GREB1: variants seen among roughly 807,000 people sequenced by gnomAD.
GREB1 encodes growth regulating estrogen receptor binding 1, also known as protein GREB1.
In GREB1, 106 loss-of-function variants were observed where a neutral mutation model predicts 200.7. The ratio of observed to expected loss-of-function variants is 0.53; its 90% CI spans 0.45 to 0.62. The LOEUF (loss-of-function observed/expected upper bound fraction) is 0.62, where lower values mean the gene tolerates loss of function less well. Among genes scored for constraint, GREB1 ranks in the 20% least tolerant of loss-of-function variants. The pLI is 0.00. For synonymous variants in GREB1, 1,132 were observed against 1,092.4 expected (o/e 1.04, Z -0.72); for missense variants, 2,243 against 2,556.8 (o/e 0.88, Z 2.65).
rs1419313396 is a variant in GREB1, at chr2:11,618,134, GCCAC to G, written c.3413-153_3413-150del. Reference sequence around the variant, plus strand: ...CTGGGACGAGTCGCCCCTGAGATGGGCCACTCCTGGGACAGGTCACTCCTGGGAT... The same window carrying G: ...CTGGGACGAGTCGCCCCTGAGATGGGTCCTGGGACAGGTCACTCCTGGGAT... On this transcript the variant is annotated intron_variant, in intron 21 of 32. Transcript: ENST00000381486. Among the ~76,000 whole-genome samples the G allele has an allele frequency of 3.3e-5, 5 of 152,224 alleles. No homozygotes were observed. The East Asian group carries it at 9.7e-4, about 30-fold the overall frequency.
intron 1 of GREB1, among the ~76,000 whole-genome samples, chr2:11,537,129 A>AT (rs1363377168): frequency 6.6e-6 from 1 of 151,626 alleles, no homozygotes; most frequent in African/African-American, 2.4e-5. Flanking sequence ...CGCCTGGCTG[A>AT]TTTTTGCATT....
At chr2:11,559,046 T>A (rs1676716633) in intron 2 of GREB1, among the ~76,000 whole-genome samples, 1 of 152,340 alleles carries the variant, frequency 6.6e-6, no homozygotes, top group South Asian at 2.1e-4. Context: ...TTAAACAGGA[T>A]GTAGGTAAAA....
At position 11,493,675 on chromosome 2, in the gene GREB1, AT is replaced by A. The variant is rs1672818083; in HGVS notation, c.-159+11295del. ...ACTGAGCCAGTATTAATGCAACCTT[AT>A]GTTTTTGAAGGTTGCATTTTTTTCC... On this transcript the variant is annotated intron_variant, in intron 1 of 2. Transcript: ENST00000628795. This position sits in a 1 kb window ranked among gnomAD's most constrained non-coding sequence, Gnocchi z 4.6. Among the ~76,000 whole-genome samples, 1 of 152,094 alleles carries A rather than the reference AT, an allele frequency of 6.6e-6. No homozygotes were observed.
At chr2:11,584,353 G>A (rs1054601450) in intron 7 of GREB1, among the ~76,000 whole-genome samples, 12 of 152,132 alleles carry the variant, frequency 7.9e-5, no homozygotes, top group Non-Finnish European at 1.5e-4. Flanking sequence ...GAGTGGATGC[G>A]CTGCTCTGTA....
intron 2 of GREB1, among the ~76,000 whole-genome samples, chr2:11,560,616 G>A (rs1478278795): frequency 1.3e-5 from 2 of 151,898 alleles, no homozygotes; most frequent in South Asian, 2.1e-4. Flanking sequence ...CAGGAGAATC[G>A]CTTGAACCCG....
intron 1 of GREB1, among the ~76,000 whole-genome samples, chr2:11,551,940 T>A (rs941147499): frequency 2.0e-5 from 3 of 152,270 alleles, no homozygotes; most frequent in African/African-American, 7.2e-5. Context: ...TCATTTATAA[T>A]CTGAAATTCT....
At chr2:11,607,817 A>G (rs956174793) in intron 17 of GREB1, among the ~76,000 whole-genome samples, 1 of 152,056 alleles carries the variant, frequency 6.6e-6, no homozygotes, top group Non-Finnish European at 1.5e-5. Context: ...TCAGAAAAAG[A>G]GAGAGATGTA....
In GREB1 at chr2:11,486,053, T is replaced by G. The variant is rs562429319; in HGVS notation, c.-159+3672T>G. On this transcript the variant is annotated intron_variant, in intron 1 of 2. Coordinates refer to the GREB1 transcript ENST00000628795. ...CTTGCTTTCAATAATCTCACCTTTC[T>G]CCTTTTAGCATTCTCTGTTCCAGAC... is the stretch of plus-strand genomic sequence containing the variant. Among the ~76,000 whole-genome samples the G allele has an allele frequency of 8.5e-5, 13 of 152,324 alleles. No individual in the cohort carries two copies. The South Asian group carries it at 2.5e-3, about 29-fold the overall frequency.
At position 11,618,298 on chromosome 2, in the gene GREB1, C is replaced by A. The variant is rs572757934; in HGVS notation, c.3423C>A (p.Leu1141=). Residue 1141 remains leucine (L), a synonymous_variant, in exon 22 of 33, where the codon CTC becomes CTA. Coordinates refer to ENST00000381486, the MANE Select transcript of GREB1 (RefSeq NM_014668.4). ...SLSSKASGSA[L]GGESSAQPTA... is the part of the protein sequence containing the mutation. The stretch of plus-strand genomic sequence containing the variant: ...TTCGTCTCTCCTCAGGTTCAGCGCT[C>A]GGTGGCGAGTCCTCGGCTCAGCCCA... The A allele has an allele frequency of 2.6e-6, 4 of 1,565,642 alleles. No individual in the cohort carries two copies. In the African/African-American group the frequency reaches 5.4e-5, roughly 21 times the overall value.
intron 2 of GREB1, among the ~76,000 whole-genome samples, chr2:11,559,914 C>A (rs1676822999): frequency 6.6e-6 from 1 of 152,294 alleles, no homozygotes; most frequent in East Asian, 1.9e-4. Flanking sequence ...ATCAGGAGTT[C>A]CTGAGTCACC....
intron 11 of GREB1, among the ~76,000 whole-genome samples, chr2:11,593,567 A>T (rs1433543299): frequency 6.6e-6 from 1 of 151,572 alleles, no homozygotes. Flanking sequence ...GCTCATTATA[A>T]CCTCTACCTC....
chr2:11,580,981 T>A lies in GREB1; in HGVS notation c.901+149T>A. 1 of 958,692 alleles carries A rather than the reference T, an allele frequency of 1.0e-6. No individual in the cohort carries two copies. Among genetic ancestry groups the A allele is most frequent in the Non-Finnish European group, 1.7e-6 (1 of 604,206 alleles). The allele number at this position is 958,692 out of a possible 1,614,324, so 59.4% of individuals were successfully genotyped here. ...GAGTCAGGCCAGGACCACAGGTGCCTCCTGAGTCCGTGGGTCTGGGCCCAG... is the reference window on the plus strand; with the variant it reads ...GAGTCAGGCCAGGACCACAGGTGCCACCTGAGTCCGTGGGTCTGGGCCCAG... On this transcript the variant is annotated intron_variant, in intron 7 of 32. Transcript: ENST00000381486. This position sits in a 1 kb window ranked among gnomAD's most constrained non-coding sequence, Gnocchi z 4.5.
intron 1 of GREB1, among the ~76,000 whole-genome samples, chr2:11,487,645 CAT>C (rs1456810442): frequency 2.0e-5 from 3 of 152,174 alleles, no homozygotes; most frequent in Non-Finnish European, 4.4e-5. Context: ...AAATTTCAAA[CAT>C]ATCTAAAACA....
intron 30 of GREB1, among the ~76,000 whole-genome samples, chr2:11,636,170 C>G (rs1376791010): frequency 6.6e-6 from 1 of 152,228 alleles, no homozygotes; most frequent in Non-Finnish European, 1.5e-5. Flanking sequence ...GGGGGCCTCT[C>G]CTCATTGTTC....
intron 1 of GREB1, among the ~76,000 whole-genome samples, chr2:11,538,498 C>G (rs1181206006): frequency 2.0e-5 from 3 of 152,164 alleles, no homozygotes. Flanking sequence ...TTGGAGTGGG[C>G]TCTCATGATT....
At chr2:11,531,343 C>T (rs925350290), upstream of GREB1, among the ~76,000 whole-genome samples, 7 of 152,100 alleles carry the variant, frequency 4.6e-5, no homozygotes, top group East Asian at 1.9e-4. Flanking sequence ...CAGGTTGGTG[C>T]GACTCCAGCA....
chr2:11,623,719 C>T (rs1474144499), intron 23 of GREB1, among the ~76,000 whole-genome samples: 1 of 152,264 alleles, frequency 6.6e-6, no homozygotes, highest in East Asian at 1.9e-4. Flanking sequence ...GGTGAAACCT[C>T]GTCTCTACTA....
chr2:11,551,991 A>G (rs1198838014), intron 1 of GREB1, among the ~76,000 whole-genome samples: 1 of 152,270 alleles, frequency 6.6e-6, no homozygotes, highest in Non-Finnish European at 1.5e-5. Flanking sequence ...ATTAATGATT[A>G]CGCACTGACT....
chr2:11,541,773 C>T (rs1442748001), intron 1 of GREB1, among the ~76,000 whole-genome samples: 1 of 152,178 alleles, frequency 6.6e-6, no homozygotes, highest in Non-Finnish European at 1.5e-5. Context: ...TTAGGCTGAA[C>T]GGGCCCCTCG....
Sources: allele counts gnomAD v4.1 joint callset (sites outside exome capture counted in the v4.1 genomes callset), GRCh38; gene constraint gnomAD v4.1.1; non-coding constraint Gnocchi (gnomAD v3.1); transcripts MANE v1.5; gene names NCBI Gene and HGNC (gene_info 2026-07-23, HGNC 2026-07-21).